LPAR1: variants seen among roughly 807,000 people sequenced by gnomAD.
The protein encoded by LPAR1 is LPA receptor 1.
LPAR1 carries 5 observed loss-of-function variants against 23.8 expected under a neutral mutation model. That is an observed-to-expected ratio of 0.21 (90% CI 0.11 to 0.44). The LOEUF is 0.44. Among genes scored for constraint, LPAR1 ranks in the 20% least tolerant of loss-of-function variants. The pLI is 0.99. For synonymous variants in LPAR1, 160 were observed against 164.7 expected (o/e 0.97, Z 0.22); for missense variants, 311 against 482.8 (o/e 0.64, Z 3.33).
intron 4 of LPAR1, among the ~76,000 whole-genome samples, chr9:110,969,585 AC>A (rs1429755453): frequency 4.6e-5 from 7 of 151,890 alleles, no homozygotes; most frequent in Admixed American, 1.3e-4. Context: ...GGAGGCACAC[AC>A]CTATAATCCT....
intron 5 of LPAR1, among the ~76,000 whole-genome samples, chr9:110,900,510 T>C (rs1209990920): frequency 6.6e-6 from 1 of 152,172 alleles, no homozygotes; most frequent in South Asian, 2.1e-4. Context: ...AGAACAGGGA[T>C]TTTCTTCTGT....
intron 5 of LPAR1, among the ~76,000 whole-genome samples, chr9:110,907,916 AACACACACACACACACACACAC>A (rs35043548): frequency 7.2e-6 from 1 of 139,714 alleles, no homozygotes; most frequent in African/African-American, 2.7e-5. Flanking sequence ...CCTTTGACAA[AACACACACACACACACACACAC>A]ACACACACAC....
chr9:111,005,120 A>G lies in LPAR1; in HGVS notation c.-182+31002T>C, dbSNP rs1413597684. Among the ~76,000 whole-genome samples, 6 of 149,794 alleles carry G rather than the reference A, an allele frequency of 4.0e-5. No homozygotes were observed. In the East Asian group the frequency reaches 9.8e-4, roughly 24 times the overall value. On this transcript the variant is annotated intron_variant, in intron 2 of 5. Transcript: ENST00000683809. ...GAAGCTGCAGTTAGCCATGATTACA[A>G]CACTGTACTCTAGCCTGGGTGACAA...
chr9:110,962,489 T>C (rs1044351475), intron 4 of LPAR1, among the ~76,000 whole-genome samples: 6 of 152,182 alleles, frequency 3.9e-5, no homozygotes, highest in African/African-American at 1.4e-4. Context: ...TGATATCACC[T>C]GCTGGACATT....
intron 4 of LPAR1, among the ~76,000 whole-genome samples, chr9:110,960,869 G>A (rs2095946510): frequency 6.6e-6 from 1 of 152,156 alleles, no homozygotes; most frequent in Non-Finnish European, 1.5e-5. Context: ...GCTCTAAAAT[G>A]CAGCCTTACT....
At chr9:110,937,075 C>T (rs1324271179) in intron 5 of LPAR1, among the ~76,000 whole-genome samples, 1 of 152,156 alleles carries the variant, frequency 6.6e-6, no homozygotes, top group Admixed American at 6.5e-5. Flanking sequence ...ACAAAATCCT[C>T]CCTCAATCAG....
chr9:110,999,550 A>T (rs1564297891), intron 2 of LPAR1: 7 of 412,036 alleles, frequency 1.7e-5, no homozygotes, highest in Non-Finnish European at 3.4e-5. Context: ...TTAAACAACA[A>T]ACATTTCTTT....
chr9:110,963,061 G>A (rs563982553), intron 4 of LPAR1, among the ~76,000 whole-genome samples: 3 of 152,284 alleles, frequency 2.0e-5, no homozygotes, highest in Non-Finnish European at 2.9e-5. Context: ...TGGGCAAGAA[G>A]TGGGAAAAAG....
At chr9:111,034,214 C>T (rs1280798327) in intron 2 of LPAR1, among the ~76,000 whole-genome samples, 4 of 152,224 alleles carry the variant, frequency 2.6e-5, no homozygotes, top group Non-Finnish European at 5.9e-5. Flanking sequence ...TACTGCCTTG[C>T]CCTATCATTT....
rs183347984 is a variant in LPAR1 at position 110,876,696 on chromosome 9, T to G, written c.794-974A>C. Among the ~76,000 whole-genome samples, 1,235 of 152,362 alleles carry G rather than the reference T, an allele frequency of 8.1e-3. 18 individuals carry two copies. The highest frequency in any genetic ancestry group is 0.035 in the South Asian group (168 of 4,828). ...AATATTTTAAACCAAATTTACTATTTCAGATGTTCTACTAATTTAGATCAA... is the reference window on the plus strand; with the variant it reads ...AATATTTTAAACCAAATTTACTATTGCAGATGTTCTACTAATTTAGATCAA... On this transcript the variant is annotated intron_variant, in intron 5 of 5. Transcript: ENST00000683809.
chr9:111,015,091 CA>C (rs2097416087), intron 2 of LPAR1, among the ~76,000 whole-genome samples: 1 of 152,140 alleles, frequency 6.6e-6, no homozygotes, highest in African/African-American at 2.4e-5. Flanking sequence ...GAGACCATCA[CA>C]TGCAAGGCAA....
intron 4 of LPAR1, among the ~76,000 whole-genome samples, chr9:110,966,088 A>G (rs2096209871): frequency 6.6e-6 from 1 of 152,172 alleles, no homozygotes; most frequent in Non-Finnish European, 1.5e-5. Flanking sequence ...GAACACATGG[A>G]CACAGGGAGG....
chr9:110,984,146 A>G (rs1455074114), intron 2 of LPAR1, among the ~76,000 whole-genome samples: 1 of 151,958 alleles, frequency 6.6e-6, no homozygotes, highest in African/African-American at 2.4e-5. Context: ...TCTTTTAACT[A>G]TTATAAAATG....
chr9:111,001,313 G>A (rs927102276), intron 2 of LPAR1, among the ~76,000 whole-genome samples: 22 of 152,096 alleles, frequency 1.4e-4, no homozygotes, highest in African/African-American at 5.3e-4. Flanking sequence ...AAATGCTAAG[G>A]ACCAAAATAG....
intron 2 of LPAR1, among the ~76,000 whole-genome samples, chr9:110,978,525 G>A (rs1403974446): frequency 2.0e-5 from 3 of 152,230 alleles, no homozygotes; most frequent in Non-Finnish European, 4.4e-5. Flanking sequence ...TAGATAAAAT[G>A]GGGAAATTTT....
At chr9:111,025,742 T>C (rs964072275) in intron 2 of LPAR1, among the ~76,000 whole-genome samples, 12 of 152,186 alleles carry the variant, frequency 7.9e-5, no homozygotes, top group African/African-American at 2.9e-4. Flanking sequence ...AAGGAAGGGG[T>C]CCAGTTTCAC....
intron 2 of LPAR1, among the ~76,000 whole-genome samples, chr9:110,978,680 G>A (rs1388620039): frequency 1.3e-5 from 2 of 152,072 alleles, no homozygotes; most frequent in African/African-American, 2.4e-5. Context: ...TATCTCTTCC[G>A]CCTATCAGAG....
intron 5 of LPAR1, among the ~76,000 whole-genome samples, chr9:110,920,875 C>A (rs752090822): frequency 2.0e-4 from 31 of 152,308 alleles, no homozygotes; most frequent in East Asian, 3.9e-4. Context: ...GTATTCTCAG[C>A]ACTTTGGGAG....
chr9:110,909,729 GTATTTATT>G lies in LPAR1; in HGVS notation c.793+31684_793+31691del, dbSNP rs56693702. 8.8e-3 allele frequency among the ~76,000 whole-genome samples: 1,308 copies of G among 147,856 alleles called. 6 individuals are homozygous for G. The highest frequency in any genetic ancestry group is 0.013 in the Non-Finnish European group (856 of 67,254). On this transcript the variant is annotated intron_variant, in intron 5 of 5. Transcript: ENST00000683809. ...TGTTTTGCTTCATTTATTAAATAAA[GTATTTATT>G]TATTTATTTATTTATTTATTTATTT...
Sources: gnomAD v4.1 joint callset for allele counts (sites outside exome capture counted in the v4.1 genomes callset) on GRCh38, gnomAD v4.1.1 for gene constraint, MANE v1.5 for transcripts, NCBI Gene and HGNC (gene_info 2026-07-23, HGNC 2026-07-21) for gene names.